Variants in DPYSL2 observed in about 807,000 individuals in gnomAD.
DPYSL2 encodes the protein dihydropyrimidinase-related protein 2.
A neutral mutation model predicts 69.9 loss-of-function variants in DPYSL2; 13 were observed. The observed-to-expected ratio is 0.19, with a 90% confidence interval of 0.12 to 0.30. DPYSL2 has a LOEUF of 0.30. DPYSL2 is among the 10% of genes least tolerant of loss of function. The pLI, the probability that DPYSL2 is intolerant of heterozygous loss-of-function variation, is 1.00. For missense variants in DPYSL2, 587 were observed against 918.9 expected (o/e 0.64, Z 4.67); for synonymous variants, 326 against 359.1 (o/e 0.91, Z 1.04).
chr8:26,552,357 C>G lies in DPYSL2; in HGVS notation c.355-29612C>G, dbSNP rs550947332. 1.5e-3 allele frequency among the ~76,000 whole-genome samples: 227 copies of G among 152,036 alleles called. 7 individuals carry two copies. Among genetic ancestry groups the G allele is most frequent in the Admixed American group, 0.015 (225 of 15,258 alleles). On this transcript the variant is annotated intron_variant, in intron 1 of 13. Coordinates refer to ENST00000521913, the MANE Select transcript of DPYSL2 (RefSeq NM_001197293.3). ...TAGACAAAGAAGAGCAAATTAAATTCAAAGTAAACAGAAGAAAAGAAATAA... is the reference window on the plus strand; with the variant it reads ...TAGACAAAGAAGAGCAAATTAAATTGAAAGTAAACAGAAGAAAAGAAATAA...
chr8:26,515,201 G>A (rs912494302), intron 1 of DPYSL2, among the ~76,000 whole-genome samples: 6 of 152,126 alleles, frequency 3.9e-5, no homozygotes, highest in Non-Finnish European at 7.4e-5. Context: ...TCCGAGGCCA[G>A]GACCATGGTC....
Position 26,617,469 on chromosome 8 carries a change from T to G in DPYSL2, c.629-6674T>G, listed in dbSNP as rs1161575721. ...GTGATTGCACTACTGCACTCCAGCC[T>G]GGGTGCCAGAGCGAGACGCCTTCTC... On this transcript the variant is annotated intron_variant, in intron 3 of 13. Transcript: ENST00000521913. This position sits in a 1 kb window ranked among gnomAD's most constrained non-coding sequence, Gnocchi z 4.7. Among the ~76,000 whole-genome samples the G allele has an allele frequency of 6.6e-6, 1 of 152,106 alleles. No homozygotes were observed. Among genetic ancestry groups the G allele is most frequent in the Non-Finnish European group, 1.5e-5 (1 of 68,022 alleles).
intron 3 of DPYSL2, among the ~76,000 whole-genome samples, chr8:26,606,083 T>G (rs1802101228): frequency 1.3e-5 from 2 of 152,182 alleles, no homozygotes; most frequent in African/African-American, 4.8e-5. Flanking sequence ...TAAAGCTGTG[T>G]GGTACTAGCT....
At chr8:26,628,275 A>T (rs1324985618) in intron 7 of DPYSL2, among the ~76,000 whole-genome samples, 1 of 152,250 alleles carries the variant, frequency 6.6e-6, no homozygotes, top group Non-Finnish European at 1.5e-5. Context: ...GGTCTCCAAT[A>T]TCTTACCAAA....
chr8:26,640,153 T>C lies in DPYSL2; in HGVS notation c.1127-3286T>C, dbSNP rs1803008897. On this transcript the variant is annotated intron_variant, in intron 8 of 13. Coordinates refer to ENST00000521913, the MANE Select transcript of DPYSL2 (RefSeq NM_001197293.3). This position sits in a 1 kb window ranked among gnomAD's most constrained non-coding sequence, Gnocchi z 4.2. ...GATTTGTTCTCCTGCTTCTCGTCCA[T>C]GGGAAATGACTGCCAGAGCTGGGAG... 6.6e-6 allele frequency among the ~76,000 whole-genome samples: 1 copy of C among 152,228 alleles called. No individual in the cohort carries two copies. The highest frequency in any genetic ancestry group is 2.1e-4 in the South Asian group (1 of 4,834).
chr8:26,613,333 C>T (rs1338356159), intron 3 of DPYSL2, among the ~76,000 whole-genome samples: 1 of 152,232 alleles, frequency 6.6e-6, no homozygotes, highest in Non-Finnish European at 1.5e-5. Context: ...GGGTCCTCTC[C>T]CAGCAGCCTG....
intron 1 of DPYSL2, among the ~76,000 whole-genome samples, chr8:26,556,317 C>G (rs371778080): frequency 0.2 from 747 of 3,752 alleles, 214 homozygotes; most frequent in East Asian, 0.4. Context: ...TATATATATA[C>G]TATATATATA....
intron 1 of DPYSL2, among the ~76,000 whole-genome samples, chr8:26,534,192 T>A (rs1326396304): frequency 6.6e-6 from 1 of 152,174 alleles, no homozygotes; most frequent in Non-Finnish European, 1.5e-5. Context: ...ATATTTTTTT[T>A]ATTTTTGAGA....
intron 1 of DPYSL2, among the ~76,000 whole-genome samples, chr8:26,579,859 A>G (rs1221073460): frequency 6.6e-6 from 1 of 151,900 alleles, no homozygotes; most frequent in Admixed American, 6.6e-5. Flanking sequence ...TTCGTGAATG[A>G]ACAAGGCAGC....
intron 7 of DPYSL2, among the ~76,000 whole-genome samples, chr8:26,628,961 G>C (rs1032431710): frequency 9.9e-5 from 15 of 152,170 alleles, no homozygotes; most frequent in African/African-American, 3.4e-4. Flanking sequence ...GATTCAGGAG[G>C]GCTTGGAAGC....
chr8:26,600,487 T>G (rs1801965988), intron 3 of DPYSL2, among the ~76,000 whole-genome samples: 1 of 152,160 alleles, frequency 6.6e-6, no homozygotes, highest in Non-Finnish European at 1.5e-5. Context: ...ATTATAGCCA[T>G]GCGAGTGGGT....
intron 3 of DPYSL2, among the ~76,000 whole-genome samples, chr8:26,607,439 C>T (rs530769178): frequency 2.7e-5 from 4 of 147,790 alleles, no homozygotes; most frequent in East Asian, 2.0e-4. Context: ...GCTGAGATTG[C>T]GCCACTGCAC....
chr8:26,525,889 A>G (rs1808467861), intron 1 of DPYSL2, among the ~76,000 whole-genome samples: 1 of 152,194 alleles, frequency 6.6e-6, no homozygotes. Flanking sequence ...TATTAAATTT[A>G]TATATTGAGT....
At chr8:26,608,961 T>C (rs1459147857) in intron 3 of DPYSL2, among the ~76,000 whole-genome samples, 5 of 152,240 alleles carry the variant, frequency 3.3e-5, no homozygotes, top group African/African-American at 4.8e-5. Flanking sequence ...GAGACCCGAC[T>C]CCTCACTCAT....
chr8:26,514,281 A>G lies in DPYSL2; in HGVS notation c.-45A>G. On this transcript the variant is annotated 5_prime_UTR_variant, in exon 1 of 14. Transcript: ENST00000521913. This position sits in a 1 kb window ranked among gnomAD's most constrained non-coding sequence, Gnocchi z 8.4. ...CAGCGAGGGAGACTTAGGGACTGGC[A>G]GACGGACGGACGGACGGCGAGGACC... The G allele has an allele frequency of 2.1e-6, 3 of 1,407,202 alleles. No individual in the cohort carries two copies. Among genetic ancestry groups the G allele is most frequent in the East Asian group, 2.7e-5 (1 of 36,820 alleles). 87.2% of individuals were successfully genotyped at this position (1,407,202 alleles called of 1,614,324 possible).
chr8:26,584,006 T>C (rs769899355), intron 3 of DPYSL2, 23 bp downstream of exon 3: 5 of 1,605,864 alleles, frequency 3.1e-6, no homozygotes, highest in East Asian at 2.2e-5. Flanking sequence ...AAAATCATCA[T>C]TGTAGTGCTT....
chr8:26,577,768 T>A, intron 1 of DPYSL2: 1 of 983,450 alleles, frequency 1.0e-6, no homozygotes, highest in Non-Finnish European at 1.2e-6. Context: ...CCCCGGCCGT[T>A]CACTGCCGCA....
intron 1 of DPYSL2, among the ~76,000 whole-genome samples, chr8:26,550,911 C>T (rs1251089551): frequency 2.6e-5 from 4 of 152,060 alleles, no homozygotes; most frequent in African/African-American, 9.7e-5. Context: ...GTTCTGACAC[C>T]CAAGGGCAGG....
chr8:26,529,523 T>C (rs2322129), intron 1 of DPYSL2, among the ~76,000 whole-genome samples: 126,397 of 151,560 alleles, frequency 0.83, 53,980 homozygotes, highest in East Asian at 0.99. Flanking sequence ...CATTTTGTTC[T>C]CCAGGCTGGT....
Sources: gnomAD v4.1 joint callset for allele counts (sites outside exome capture counted in the v4.1 genomes callset) on GRCh38, gnomAD v4.1.1 for gene constraint, Gnocchi (gnomAD v3.1) non-coding constraint, MANE v1.5 for transcripts, NCBI Gene and HGNC (gene_info 2026-07-23, HGNC 2026-07-21) for gene names.